Variants in PRKN observed in about 807,000 individuals in gnomAD.
The protein encoded by PRKN is parkin RBR E3 ubiquitin protein ligase, also known as E3 ubiquitin-protein ligase parkin.
A neutral mutation model predicts 59.5 loss-of-function variants in PRKN; 56 were observed. The ratio of observed to expected loss-of-function variants is 0.94; its 90% CI spans 0.76 to 1.18. The LOEUF is 1.18. PRKN is among the 50% of genes most tolerant of loss of function. The pLI, the probability that PRKN is intolerant of heterozygous loss-of-function variation, is 0.00. For synonymous variants in PRKN, 250 were observed against 222.1 expected (o/e 1.13, Z -1.12); for missense variants, 657 against 596.4 (o/e 1.10, Z -1.06).
intron 2 of PRKN, among the ~76,000 whole-genome samples, chr6:162,338,467 C>T (rs1042049214): frequency 1.3e-5 from 2 of 152,188 alleles, no homozygotes; most frequent in African/African-American, 2.4e-5. Flanking sequence ...TTGGCCGGGC[C>T]GGTCTCCAGC....
At chr6:161,845,216 C>T (rs1244605027) in intron 6 of PRKN, among the ~76,000 whole-genome samples, 1 of 152,284 alleles carries the variant, frequency 6.6e-6, no homozygotes, top group East Asian at 1.9e-4. Flanking sequence ...CCTGGGCCAC[C>T]AGTAGATGCC....
chr6:161,538,568 G>C lies in PRKN; in HGVS notation c.1083+10286C>G, dbSNP rs778348518. On this transcript the variant is annotated intron_variant, in intron 9 of 11. Coordinates refer to ENST00000366898, the MANE Select transcript of PRKN (RefSeq NM_004562.3). The surrounding 1 kb of genome is among the most constrained non-coding windows in gnomAD (Gnocchi z 4.2). ...GGGACACTTCAAGTTTCCACTTCTTGGTGCAAAAAGAGGCCAAAGTGAGTC... is the reference window on the plus strand; with the variant it reads ...GGGACACTTCAAGTTTCCACTTCTTCGTGCAAAAAGAGGCCAAAGTGAGTC... 6.6e-5 allele frequency among the ~76,000 whole-genome samples: 10 copies of C among 152,028 alleles called. No individual in the cohort carries two copies. The highest frequency in any genetic ancestry group is 1.0e-4 in the Non-Finnish European group (7 of 68,000).
At chr6:162,079,633 C>T (rs1778978262) in intron 4 of PRKN, among the ~76,000 whole-genome samples, 1 of 152,032 alleles carries the variant, frequency 6.6e-6, no homozygotes, top group Non-Finnish European at 1.5e-5. Context: ...GTCCCTAACA[C>T]AGCTCAGGGA....
chr6:162,467,323 T>C (rs747295), intron 1 of PRKN, among the ~76,000 whole-genome samples: 26,344 of 152,120 alleles, frequency 0.17, 3,048 homozygotes, highest in East Asian at 0.4. Context: ...GAATGTGTAG[T>C]ATACCACATG....
At chr6:162,430,009 A>G (rs1025475330) in intron 2 of PRKN, among the ~76,000 whole-genome samples, 4 of 152,134 alleles carry the variant, frequency 2.6e-5, no homozygotes, top group Non-Finnish European at 5.9e-5. Flanking sequence ...TAATATCTGC[A>G]TAAAATATTC....
Position 161,526,278 on chromosome 6 carries a change from T to C in PRKN, c.1083+22576A>G, listed in dbSNP as rs1779013122. ...CTCCAGCCTCCAGTAGACACTCATG[T>C]GTTCAGACACATGCATGTGCGTGCA... On this transcript the variant is annotated intron_variant, in intron 9 of 11. Transcript: ENST00000366898. The surrounding 1 kb of genome is among the most constrained non-coding windows in gnomAD (Gnocchi z 4.1). 6.6e-6 allele frequency among the ~76,000 whole-genome samples: 1 copy of C among 152,262 alleles called. No individual in the cohort carries two copies. The highest frequency in any genetic ancestry group is 2.1e-4 in the South Asian group (1 of 4,836).
chr6:162,515,906 C>G (rs1338807142), intron 1 of PRKN, among the ~76,000 whole-genome samples: 1 of 152,132 alleles, frequency 6.6e-6, no homozygotes, highest in African/African-American at 2.4e-5. Context: ...CCGCATGTGA[C>G]TGTCAAAAAG....
At chr6:161,942,705 TACATCA>T (rs1324150877) in intron 6 of PRKN, among the ~76,000 whole-genome samples, 1 of 152,156 alleles carries the variant, frequency 6.6e-6, no homozygotes, top group Non-Finnish European at 1.5e-5. Flanking sequence ...TGAACACCTT[TACATCA>T]ACAGAGTAAA....
Position 161,423,163 on chromosome 6 carries a change from A to C in PRKN, c.1084-36286T>G, listed in dbSNP as rs762764101. Among the ~76,000 whole-genome samples the C allele has an allele frequency of 2.0e-5, 3 of 152,136 alleles. No homozygotes were observed. The highest frequency in any genetic ancestry group is 4.4e-5 in the Non-Finnish European group (3 of 68,028). On this transcript the variant is annotated intron_variant, in intron 9 of 11. Transcript: ENST00000366898. The surrounding 1 kb of genome is among the most constrained non-coding windows in gnomAD (Gnocchi z 5.9). ...TGGGTGTGAGATATCAGCATCTTTA[A>C]TGTATGCCAGCCTTGCATGGGTTTG...
chr6:162,564,170 C>A (rs1779963827), intron 1 of PRKN, among the ~76,000 whole-genome samples: 1 of 151,852 alleles, frequency 6.6e-6, no homozygotes, highest in African/African-American at 2.4e-5. Flanking sequence ...CATGGTGAAA[C>A]CCCGTCTCTA....
chr6:161,818,943 CT>C (rs1247139471), intron 6 of PRKN, among the ~76,000 whole-genome samples: 2 of 152,122 alleles, frequency 1.3e-5, no homozygotes, highest in Non-Finnish European at 2.9e-5. Flanking sequence ...CCTTATCCAT[CT>C]AACATGTACT....
intron 2 of PRKN, among the ~76,000 whole-genome samples, chr6:162,373,320 G>A (rs561285892): frequency 1.3e-5 from 2 of 152,302 alleles, no homozygotes; most frequent in Non-Finnish European, 2.9e-5. Flanking sequence ...TGGTCAATAA[G>A]TAGTAGTAAG....
rs1478661623 is a variant in PRKN at position 161,579,103 on chromosome 6, CAA to C, written c.872-9689_872-9688del. 6.6e-6 allele frequency among the ~76,000 whole-genome samples: 1 copy of C among 152,160 alleles called. No homozygotes were observed. Among genetic ancestry groups the C allele is most frequent in the Non-Finnish European group, 1.5e-5 (1 of 68,028 alleles). ...ATTATTTTCTTTCTCCTGCTGCTCT[CAA>C]AAGTTTGTCCTTGGTTGACATCAGA... On this transcript the variant is annotated intron_variant, in intron 7 of 11. Coordinates refer to ENST00000366898, the MANE Select transcript of PRKN (RefSeq NM_004562.3). The surrounding 1 kb of genome is among the most constrained non-coding windows in gnomAD (Gnocchi z 4.2).
chr6:161,707,061 C>T (rs1786530988), intron 7 of PRKN, among the ~76,000 whole-genome samples: 1 of 152,054 alleles, frequency 6.6e-6, no homozygotes, highest in Admixed American at 6.6e-5. Context: ...TTTCCTGTCT[C>T]ATTGTCGGTT....
At chr6:161,755,883 C>G (rs1247297276) in intron 7 of PRKN, among the ~76,000 whole-genome samples, 2 of 152,018 alleles carry the variant, frequency 1.3e-5, no homozygotes, top group Non-Finnish European at 2.9e-5. Flanking sequence ...CAGGCCAGCA[C>G]AAGTGGCTAC....
chr6:162,498,961 A>G (rs1038642246), intron 1 of PRKN, among the ~76,000 whole-genome samples: 3 of 152,144 alleles, frequency 2.0e-5, no homozygotes, highest in South Asian at 4.1e-4. Context: ...TCATCCATTT[A>G]TTAAACAAAT....
intron 6 of PRKN, among the ~76,000 whole-genome samples, chr6:161,893,561 C>A (rs1583308635): frequency 6.6e-6 from 1 of 152,176 alleles, no homozygotes; most frequent in South Asian, 2.1e-4. Flanking sequence ...AGAGGAGCGA[C>A]CTTGGGCAAG....
chr6:162,271,911 T>C (rs990147214), intron 2 of PRKN, among the ~76,000 whole-genome samples: 2 of 152,212 alleles, frequency 1.3e-5, no homozygotes, highest in African/African-American at 2.4e-5. Context: ...TGATCAAAAA[T>C]ATTATGCTGT....
intron 6 of PRKN, among the ~76,000 whole-genome samples, chr6:161,938,369 A>G (rs898346491): frequency 6.6e-6 from 1 of 152,242 alleles, no homozygotes; most frequent in Non-Finnish European, 1.5e-5. Flanking sequence ...TTAGTTTTAT[A>G]GTCACAGAAT....
Sources: gnomAD v4.1 joint callset for allele counts (sites outside exome capture counted in the v4.1 genomes callset) on GRCh38, gnomAD v4.1.1 for gene constraint, Gnocchi (gnomAD v3.1) non-coding constraint, MANE v1.5 for transcripts, NCBI Gene and HGNC (gene_info 2026-07-23, HGNC 2026-07-21) for gene names.